Variants in ASB3 observed in about 807,000 individuals in gnomAD.
ASB3 encodes ankyrin repeat and SOCS box containing 3, also known as ankyrin repeat and SOCS box protein 3.
In ASB3, 41 loss-of-function variants were observed where a neutral mutation model predicts 54.5. That is an observed-to-expected ratio of 0.75 (90% confidence interval 0.59 to 0.98). ASB3 has a LOEUF of 0.98. Among genes scored for constraint, ASB3 ranks in the 50% least tolerant of loss-of-function variants. ASB3 has a pLI of 0.00. For missense variants in ASB3, 733 were observed against 620.0 expected, an observed-to-expected ratio of 1.18 and a Z score of -1.94; for synonymous variants, 266 against 221.2, an observed-to-expected ratio of 1.20 and a Z score of -1.80.
chr2:53,714,455 G>T lies in ASB3; in HGVS notation c.909C>A (p.Gly303=). The change falls in exon 7 of 10, where the codon GGC becomes GGA. Residue 303 remains glycine, a synonymous_variant. Coordinates refer to ENST00000263634, the MANE Select transcript of ASB3 (RefSeq NM_016115.5). The part of the protein sequence containing the change: ...EDCLEILLRN[G]YSPDAQACLV... ...GGCACGCCTGGGCGTCTGGGCTGTAGCCATTCCGGAGTAATATTTCTAGGC... is the reference window on the plus strand; with the variant it reads ...GGCACGCCTGGGCGTCTGGGCTGTATCCATTCCGGAGTAATATTTCTAGGC... 1.2e-6 allele frequency: 2 copies of T among 1,614,248 alleles called. No individual in the cohort carries two copies. The highest frequency in any genetic ancestry group is 1.3e-5 in the African/African-American group (1 of 75,064).
At position 53,694,197 on chromosome 2, in the gene ASB3, G is replaced by A. The variant is rs1572855843; in HGVS notation, c.1239-183C>T. 6.9e-6 allele frequency: 4 copies of A among 583,760 alleles called. No homozygotes were observed. The East Asian group carries it at 1.3e-4, about 18-fold the overall frequency. 36.2% of individuals were successfully genotyped at this position (583,760 alleles called of 1,614,324 possible). A position where few individuals can be genotyped will look rare whatever the true frequency, so the allele number is the denominator to read the frequency against. On this transcript the variant is annotated intron_variant, in intron 8 of 9. Transcript: ENST00000263634. ...AGAGGATATTAACAATCATCTACAGGTTCCTATTAACTGAATTGACTTTCT... is the reference window on the plus strand; with the variant it reads ...AGAGGATATTAACAATCATCTACAGATTCCTATTAACTGAATTGACTTTCT...
In ASB3 at chr2:53,670,649, G is replaced by A. The variant is rs759668373; in HGVS notation, c.1411C>T (p.Arg471Trp). Residue 471 changes from arginine (R) to tryptophan (W), a missense_variant, in exon 10 of 10, where the codon CGG becomes TGG. Coordinates refer to ENST00000263634, the MANE Select transcript of ASB3 (RefSeq NM_016115.5). ...SLTHLCRLEI[R>W]SSLKSERLRS... The stretch of plus-strand genomic sequence containing the variant: ...AGACGTTCTGATTTTAGACTGGACC[G>A]AATTTCCAAACGACAAAGATGGGTC... The A allele has an allele frequency of 8.1e-6, 13 of 1,613,706 alleles. No individual in the cohort carries two copies. The highest frequency in any genetic ancestry group is 3.3e-5 in the Admixed American group (2 of 59,950).
At chr2:53,770,216 A>G (rs780029801) in intron 1 of ASB3, among the ~76,000 whole-genome samples, 1 of 152,198 alleles carries the variant, frequency 6.6e-6, no homozygotes, top group Non-Finnish European at 1.5e-5. Context: ...ATATTATGCA[A>G]CTATTAAAAT....
At chr2:53,689,676 T>C (rs909683608) in intron 9 of ASB3, among the ~76,000 whole-genome samples, 1 of 152,218 alleles carries the variant, frequency 6.6e-6, no homozygotes, top group African/African-American at 2.4e-5. Context: ...ACTAGGGCAT[T>C]GCTCAAAGTT....
intron 9 of ASB3, among the ~76,000 whole-genome samples, chr2:53,681,339 G>A (rs866773643): frequency 2.6e-5 from 4 of 152,080 alleles, no homozygotes; most frequent in African/African-American, 4.8e-5. Context: ...TTTGTTGACC[G>A]TTTCCTTTGC....
intron 1 of ASB3, among the ~76,000 whole-genome samples, chr2:53,785,479 A>G (rs1674906526): frequency 1.3e-5 from 2 of 152,092 alleles, no homozygotes; most frequent in Admixed American, 1.3e-4. Context: ...GTTTGCAATT[A>G]TTTGTTTGTA....
chr2:53,746,703 C>A (rs552321101), intron 3 of ASB3, among the ~76,000 whole-genome samples: 1 of 152,204 alleles, frequency 6.6e-6, no homozygotes, highest in African/African-American at 2.4e-5. Context: ...TGGTCTCGAA[C>A]CCCTGACCTC....
intron 7 of ASB3, among the ~76,000 whole-genome samples, chr2:53,712,526 C>T (rs932302453): frequency 1.3e-5 from 2 of 152,108 alleles, no homozygotes; most frequent in Non-Finnish European, 2.9e-5. Flanking sequence ...TTCATTTATC[C>T]GAATCTACAG....
chr2:53,781,553 T>C (rs1674651719), intron 1 of ASB3, among the ~76,000 whole-genome samples: 1 of 152,138 alleles, frequency 6.6e-6, no homozygotes, highest in African/African-American at 2.4e-5. Context: ...TGGAGTACAA[T>C]GGCGCCATCT....
intron 1 of ASB3, chr2:53,767,881 G>C: frequency 1.2e-6 from 2 of 1,606,004 alleles, no homozygotes; most frequent in South Asian, 1.1e-5. Context: ...GAGGAGCCGC[G>C]AGAAGATGTG....
chr2:53,723,153 C>T (rs1670800246), intron 5 of ASB3, among the ~76,000 whole-genome samples: 1 of 151,972 alleles, frequency 6.6e-6, no homozygotes, highest in Non-Finnish European at 1.5e-5. Context: ...AAGATCTCTA[C>T]AAGGAGAACT....
At chr2:53,675,243 T>C (rs1005657616) in intron 9 of ASB3, among the ~76,000 whole-genome samples, 3 of 152,160 alleles carry the variant, frequency 2.0e-5, no homozygotes, top group Admixed American at 1.3e-4. Flanking sequence ...ATGTTTTGAT[T>C]ACACACTAAA....
intron 9 of ASB3, among the ~76,000 whole-genome samples, chr2:53,678,468 A>C (rs903697272): frequency 6.6e-6 from 1 of 152,252 alleles, no homozygotes; most frequent in Non-Finnish European, 1.5e-5. Flanking sequence ...CTTTACAGAA[A>C]TCGTTTTAAG....
chr2:53,679,072 T>C (rs951783418), intron 9 of ASB3, among the ~76,000 whole-genome samples: 2 of 152,114 alleles, frequency 1.3e-5, no homozygotes, highest in Non-Finnish European at 2.9e-5. Flanking sequence ...TCTCATTTCT[T>C]TTCCTATCTA....
chr2:53,732,412 T>C (rs375434094), intron 3 of ASB3, among the ~76,000 whole-genome samples: 5 of 152,176 alleles, frequency 3.3e-5, no homozygotes, highest in Admixed American at 6.5e-5. Flanking sequence ...CATATCAAAT[T>C]CATACATCAT....
chr2:53,696,514 T>G (rs897250057), intron 8 of ASB3, among the ~76,000 whole-genome samples: 1 of 152,076 alleles, frequency 6.6e-6, no homozygotes, highest in Admixed American at 6.6e-5. Flanking sequence ...GAAAGGAAAA[T>G]AGGCAATGTT....
Position 53,767,780 on chromosome 2 carries a change from C to G in ASB3, c.-13-2195G>C, listed in dbSNP as rs1673577258. The G allele has an allele frequency of 1.6e-5, 23 of 1,427,064 alleles. 1 individual carries two copies. The South Asian group carries it at 3.0e-4, about 19-fold the overall frequency. 88.4% of individuals were successfully genotyped at this position (1,427,064 alleles called of 1,614,324 possible). A position where few individuals can be genotyped will look rare whatever the true frequency, so the allele number is the denominator to read the frequency against. ...CGCTTTGCGCCCCAAGTGGCCATCG[C>G]GCCTGCGCCCCGCGCGGCCGGTTAC... On this transcript the variant is annotated intron_variant, in intron 1 of 9. Transcript: ENST00000263634.
intron 2 of ASB3, among the ~76,000 whole-genome samples, chr2:53,752,954 C>T (rs558767520): frequency 3.9e-4 from 59 of 151,474 alleles, no homozygotes; most frequent in Non-Finnish European, 4.0e-4. Flanking sequence ...TTCTCCTCCA[C>T]TTAAAAAGAA....
At chr2:53,732,189 C>T (rs1671356989) in intron 3 of ASB3, among the ~76,000 whole-genome samples, 2 of 151,656 alleles carry the variant, frequency 1.3e-5, no homozygotes, top group Non-Finnish European at 2.9e-5. Context: ...CAACTCCTGG[C>T]CTCAGGTGAT....
Sources: gnomAD v4.1 joint callset for allele counts (sites outside exome capture counted in the v4.1 genomes callset) on GRCh38, gnomAD v4.1.1 for gene constraint, MANE v1.5 for transcripts, NCBI Gene and HGNC (gene_info 2026-07-23, HGNC 2026-07-21) for gene names.